MB: variants seen among roughly 807,000 people sequenced by gnomAD.
The protein encoded by MB is nitrite reductase MB.
A neutral mutation model predicts 14.5 loss-of-function variants in MB; 10 were observed. That is an observed-to-expected ratio of 0.69 (90% CI 0.43 to 1.17). MB has a LOEUF of 1.17. Ranked by LOEUF, MB falls within the 50% of genes most tolerant of loss-of-function variation. MB has a pLI of 0.00. For missense variants in MB, 169 were observed against 192.7 expected, an observed-to-expected ratio of 0.88 and a Z score of 0.73; for synonymous variants, 89 against 78.6, an observed-to-expected ratio of 1.13 and a Z score of -0.70.
intron 2 of MB, among the ~76,000 whole-genome samples, chr22:35,609,003 A>G (rs1922373127): frequency 6.6e-6 from 1 of 152,098 alleles, no homozygotes; most frequent in Non-Finnish European, 1.5e-5. Context: ...TTTTTTGCAG[A>G]GGTTATGCAT....
upstream of MB, among the ~76,000 whole-genome samples, chr22:35,619,298 T>C (rs1397291478): frequency 6.6e-6 from 1 of 152,230 alleles, no homozygotes; most frequent in Admixed American, 6.5e-5. Context: ...GTTTACAAAG[T>C]GGCTGCTTGG....
At chr22:35,612,160 T>G (rs1267951123) in intron 1 of MB, among the ~76,000 whole-genome samples, 2 of 152,222 alleles carry the variant, frequency 1.3e-5, no homozygotes, top group African/African-American at 4.8e-5. Flanking sequence ...CTCTCCTGTC[T>G]AATGGTTTCA....
chr22:35,616,612 A>C (rs903491133), intron 1 of MB, among the ~76,000 whole-genome samples: 2 of 152,214 alleles, frequency 1.3e-5, no homozygotes, highest in African/African-American at 4.8e-5. Flanking sequence ...TCTAGGATAT[A>C]GATATTAGGA....
chr22:35,617,210 C>A lies in MB; in HGVS notation c.48G>T (p.Gly16=), dbSNP rs1288889495. Residue 16 remains glycine, a synonymous_variant, in exon 1 of 3, where the codon GGG becomes GGT. Transcript: ENST00000397326. The part of the protein sequence containing the change: ...GEWQLVLNVW[G]KVEADIPGHG... ...GGCCTGGGATGTCAGCCTCCACCTT[C>A]CCCCAGACGTTCAGCACCAACTGCC... is the stretch of plus-strand genomic sequence containing the variant. 2.5e-6 allele frequency: 4 copies of A among 1,613,964 alleles called. No homozygotes were observed. The highest frequency in any genetic ancestry group is 8.5e-7 in the Non-Finnish European group (1 of 1,179,964).
chr22:35,611,225 C>A, intron 1 of MB, 119 bp from the exon 2 acceptor site: 1 of 690,370 alleles, frequency 1.4e-6, no homozygotes, highest in Non-Finnish European at 2.5e-6. Flanking sequence ...TTGGGCCATT[C>A]ACTTCACCTC....
At position 35,611,043 on chromosome 22, in the gene MB, C is replaced by T. The variant is rs1403536307; in HGVS notation, c.159G>A (p.Glu53=). ...KFDKFKHLKS[E]DEMKASEDLK... is the part of the protein sequence containing the mutation. ...AGTCCTCAGACGCCTTCATCTCGTC[C>T]TCTGACTTCAGGTGCTTGAACTTGT... is the stretch of plus-strand genomic sequence containing the variant. The change falls in exon 2 of 3, where the codon GAG becomes GAA. Residue 53 remains glutamate (E), a synonymous_variant. Coordinates refer to ENST00000397326, the MANE Select transcript of MB (RefSeq NM_005368.3). 3 of 1,614,158 alleles carry T rather than the reference C, an allele frequency of 1.9e-6. No individual in the cohort carries two copies. Among genetic ancestry groups the T allele is most frequent in the South Asian group, 1.1e-5 (1 of 91,074 alleles).
At chr22:35,614,286 C>A (rs1922886110) in intron 1 of MB, among the ~76,000 whole-genome samples, 1 of 152,150 alleles carries the variant, frequency 6.6e-6, no homozygotes. Context: ...GGCAGTATAG[C>A]ATAGTGGTCA....
chr22:35,620,528 C>T (rs973767978), upstream of MB, among the ~76,000 whole-genome samples: 1 of 152,172 alleles, frequency 6.6e-6, no homozygotes, highest in African/African-American at 2.4e-5. Context: ...GCAGTTTGAC[C>T]CTTACTGCTG....
chr22:35,618,085 G>C (rs996608431), upstream of MB, among the ~76,000 whole-genome samples: 14 of 152,248 alleles, frequency 9.2e-5, no homozygotes, highest in South Asian at 2.3e-3. Flanking sequence ...ACTTTGCTGG[G>C]TGCCAGGCCC....
upstream of MB, among the ~76,000 whole-genome samples, chr22:35,618,097 G>C (rs1923219108): frequency 6.6e-6 from 1 of 152,154 alleles, no homozygotes; most frequent in Non-Finnish European, 1.5e-5. Flanking sequence ...GCCAGGCCCT[G>C]TCCCAAACAC....
Position 35,607,248 on chromosome 22 carries a change from C to T in MB, c.*49G>A. ...TGGCTACACGAGATCAGACCCCGCT[C>T]TCTCTTGAACCCGGGGCCCAGATGG... is the stretch of plus-strand genomic sequence containing the variant. On this transcript the variant is annotated 3_prime_UTR_variant, in exon 3 of 3. Coordinates refer to ENST00000397326, the MANE Select transcript of MB (RefSeq NM_005368.3). 3 of 1,577,034 alleles carry T rather than the reference C, an allele frequency of 1.9e-6. No homozygotes were observed. Among genetic ancestry groups the T allele is most frequent in the Middle Eastern group, 1.8e-4 (1 of 5,656 alleles).
Position 35,607,327 on chromosome 22 carries a change from G to A in MB, c.435C>T (p.Ser145=), listed in dbSNP as rs1922218042. 1.2e-6 allele frequency: 2 copies of A among 1,613,718 alleles called. No individual in the cohort carries two copies. The highest frequency in any genetic ancestry group is 2.2e-5 in the East Asian group (1 of 44,886). Residue 145 remains serine (S), a synonymous_variant, in exon 3 of 3, where the codon TCC becomes TCT. Transcript: ENST00000397326. ...ALELFRKDMA[S]NYKELGFQG ...CCTGGAAGCCCAGCTCCTTGTAGTTGGAGGCCATGTCCTTCCGGAACAGCT... is the reference window on the plus strand; with the variant it reads ...CCTGGAAGCCCAGCTCCTTGTAGTTAGAGGCCATGTCCTTCCGGAACAGCT...
intron 1 of MB, among the ~76,000 whole-genome samples, chr22:35,622,910 CA>C: frequency 6.6e-6 from 1 of 152,350 alleles, no homozygotes; most frequent in African/African-American, 2.4e-5. Context: ...CCGCTCTACC[CA>C]TTCCCAGCAG....
At chr22:35,621,523 A>G (rs2145928798), upstream of MB, among the ~76,000 whole-genome samples, 1 of 152,322 alleles carries the variant, frequency 6.6e-6, no homozygotes, top group African/African-American at 2.4e-5. Context: ...GTATCTTGTG[A>G]CTAAAAGAGG....
In MB at chr22:35,607,302, C is replaced by T; in HGVS notation, c.460G>A (p.Gly154Ser). 1.9e-6 allele frequency: 3 copies of T among 1,612,406 alleles called. No individual in the cohort carries two copies. The highest frequency in any genetic ancestry group is 2.5e-6 in the Non-Finnish European group (3 of 1,178,706). Residue 154 changes from glycine to serine, a missense_variant, in exon 3 of 3, where the codon GGC (glycine) becomes AGC (serine). Physicochemically the swap from Gly to Ser is moderately conservative, Grantham distance 56. Coordinates refer to ENST00000397326, the MANE Select transcript of MB (RefSeq NM_005368.3). ...ASNYKELGFQ[G>S] The stretch of plus-strand genomic sequence containing the variant: ...GGGGTGGGAGCGGCAGGGGCCTAGC[C>T]CTGGAAGCCCAGCTCCTTGTAGTTG...
chr22:35,616,980 C>T, intron 1 of MB, 183 bp downstream of exon 1: 1 of 576,018 alleles, frequency 1.7e-6, no homozygotes, highest in Non-Finnish European at 3.1e-6. Flanking sequence ...TGAAATGGCT[C>T]CTTTCCCTCT....
intron 2 of MB, among the ~76,000 whole-genome samples, 192 bp from the exon 3 acceptor site, chr22:35,607,635 A>G (rs772472262): frequency 3.3e-5 from 5 of 152,184 alleles, no homozygotes; most frequent in Non-Finnish European, 7.3e-5. Context: ...TGAGATAGAT[A>G]CTACAACTGC....
Position 35,608,894 on chromosome 22 carries a change from G to C in MB, c.319-1451C>G, listed in dbSNP as rs1922361603. On this transcript the variant is annotated intron_variant, in intron 2 of 2. Coordinates refer to ENST00000397326, the MANE Select transcript of MB (RefSeq NM_005368.3). The surrounding 1 kb of genome is among the most constrained non-coding windows in gnomAD (Gnocchi z 4.3). ...GTACAGCCCCTCAGTCCCTCAGAGA[G>C]ACAATCTGTCCACAGGTGAGGTGGA... is the stretch of plus-strand genomic sequence containing the variant. 6.6e-6 allele frequency among the ~76,000 whole-genome samples: 1 copy of C among 152,218 alleles called. No homozygotes were observed. The highest frequency in any genetic ancestry group is 2.4e-5 in the African/African-American group (1 of 41,452).
At chr22:35,618,987 T>TCATCATCACCCCTCCATC, upstream of MB, among the ~76,000 whole-genome samples, 1 of 144,672 alleles carries the variant, frequency 6.9e-6, no homozygotes, top group Non-Finnish European at 1.5e-5. Context: ...ATCCCTCCAT[T>TCATCATCACCCCTCCATC]CATCATCCCC....
Sources: allele counts gnomAD v4.1 joint callset (sites outside exome capture counted in the v4.1 genomes callset), GRCh38; gene constraint gnomAD v4.1.1; non-coding constraint Gnocchi (gnomAD v3.1); transcripts MANE v1.5; gene names NCBI Gene and HGNC (gene_info 2026-07-23, HGNC 2026-07-21).